The following ANAPC4 variants were observed in gnomAD, a reference collection of about 807,000 sequenced individuals.
ANAPC4 encodes anaphase promoting complex subunit 4, also known as anaphase-promoting complex subunit 4.
A neutral mutation model predicts 119.8 loss-of-function variants in ANAPC4; 63 were observed. The ratio of observed to expected loss-of-function variants is 0.53; its 90% CI spans 0.43 to 0.65. The LOEUF (loss-of-function observed/expected upper bound fraction) is 0.65, where lower values mean the gene tolerates loss of function less well. Ranked by LOEUF, ANAPC4 falls within the 30% of genes least tolerant of loss-of-function variation. The pLI, the probability that ANAPC4 is intolerant of heterozygous loss-of-function variation, is 0.00. For missense variants in ANAPC4, 716 were observed against 945.1 expected (o/e 0.76, Z 3.18); for synonymous variants, 283 against 318.6 (o/e 0.89, Z 1.19).
chr4:25,383,620 C>T (rs1227580056), intron 4 of ANAPC4, among the ~76,000 whole-genome samples: 1 of 151,578 alleles, frequency 6.6e-6, no homozygotes, highest in Non-Finnish European at 1.5e-5. Context: ...CAGACCACTG[C>T]AATAAAGTGA....
At chr4:25,392,239 C>T in intron 9 of ANAPC4, 99 bp from the exon 10 acceptor site, 1 of 828,686 alleles carries the variant, frequency 1.2e-6, no homozygotes, top group Non-Finnish European at 2.1e-6. Flanking sequence ...ACAATTCTGA[C>T]ATAGTCTTTC....
chr4:25,413,786 G>T, intron 22 of ANAPC4, 44 bp downstream of exon 22: 2 of 1,419,242 alleles, frequency 1.4e-6, no homozygotes, highest in South Asian at 2.4e-5. Flanking sequence ...GAGCAATAGT[G>T]TCTACAGTAT....
At chr4:25,408,881 A>G (rs988238579) in intron 20 of ANAPC4, among the ~76,000 whole-genome samples, 2 of 152,182 alleles carry the variant, frequency 1.3e-5, no homozygotes, top group African/African-American at 4.8e-5. Context: ...ATAACTCTCA[A>G]TTCTGTCACA....
chr4:25,415,820 A>G (rs1446806330), intron 26 of ANAPC4: 5 of 296,936 alleles, frequency 1.7e-5, no homozygotes, highest in Non-Finnish European at 3.1e-5. Context: ...CCATGGGCAG[A>G]TGGCCTGCAG....
chr4:25,394,951 C>T, intron 14 of ANAPC4, 46 bp downstream of exon 14: 1 of 1,435,234 alleles, frequency 7.0e-7, no homozygotes, highest in Non-Finnish European at 9.6e-7. Flanking sequence ...CCACACATAC[C>T]TGGCGTTGGC....
intron 10 of ANAPC4, among the ~76,000 whole-genome samples, chr4:25,392,666 C>G (rs73806544): frequency 6.7e-6 from 1 of 148,508 alleles, no homozygotes; most frequent in Admixed American, 6.9e-5. Context: ...AAATAAAATA[C>G]CATTTACATT....
intron 28 of ANAPC4, 38 bp downstream of exon 28, chr4:25,417,777 CAAG>C: frequency 1.3e-6 from 2 of 1,578,722 alleles, no homozygotes; most frequent in Non-Finnish European, 1.7e-6. Context: ...TAAGAAATTA[CAAG>C]AAGTAACGTT....
At chr4:25,389,564 A>G (rs1722227096) in intron 7 of ANAPC4, among the ~76,000 whole-genome samples, 2 of 152,202 alleles carry the variant, frequency 1.3e-5, no homozygotes. Context: ...AAGTGTTGGG[A>G]TTACAGGCAT....
At chr4:25,380,521 A>G (rs751941543) in intron 3 of ANAPC4, 42 bp downstream of exon 3, 5 of 1,459,984 alleles carry the variant, frequency 3.4e-6, no homozygotes, top group Non-Finnish European at 4.7e-6. Flanking sequence ...TTATTTTCAC[A>G]AAGAGTATTC....
At chr4:25,404,034 G>T (rs1723121764) in intron 17 of ANAPC4, among the ~76,000 whole-genome samples, 1 of 152,152 alleles carries the variant, frequency 6.6e-6, no homozygotes, top group African/African-American at 2.4e-5. Flanking sequence ...GCAAAATTTA[G>T]TGTTAATGTA....
rs764848895 is a variant in ANAPC4, at chr4:25,414,640, C to T, written c.1766C>T (p.Thr589Ile). 1 of 1,551,898 alleles carries T rather than the reference C, an allele frequency of 6.4e-7. No individual in the cohort carries two copies. The highest frequency in any genetic ancestry group is 8.8e-7 in the Non-Finnish European group (1 of 1,141,242). The change falls in exon 25 of 29, where the codon ACT becomes ATT. Residue 589 changes from threonine to isoleucine, a missense_variant. Physicochemically the swap from Thr to Ile is moderately conservative, Grantham distance 89. Coordinates refer to ENST00000315368, the MANE Select transcript of ANAPC4 (RefSeq NM_013367.3). ...TCAAATCTACATTATCTTCTTTTTA[C>T]TATTCTAGAAGATTCACTTTATAAA... is the stretch of plus-strand genomic sequence containing the variant. ...KTSNLHYLLF[T>I]ILEDSLYKMC...
Position 25,380,494 on chromosome 4 carries a change from A to C in ANAPC4, c.235+15A>C, listed in dbSNP as rs1721654849. 1 of 1,566,440 alleles carries C rather than the reference A, an allele frequency of 6.4e-7. No individual in the cohort carries two copies. On this transcript the variant is annotated intron_variant, in intron 3 of 28. Transcript: ENST00000315368. The stretch of plus-strand genomic sequence containing the variant: ...AGATGGCAAACGTAATGATAATATT[A>C]CAAAAAAAATATGTTTTTATTTTCA...
chr4:25,395,651 T>C (rs1325526933), intron 14 of ANAPC4, among the ~76,000 whole-genome samples: 1 of 152,142 alleles, frequency 6.6e-6, no homozygotes, highest in Non-Finnish European at 1.5e-5. Flanking sequence ...GGTTTCACCG[T>C]GTTGGCCAGA....
chr4:25,395,182 G>T, intron 14 of ANAPC4: 1 of 269,060 alleles, frequency 3.7e-6, no homozygotes, highest in Non-Finnish European at 6.9e-6. Context: ...TTTGAAATAA[G>T]GCATATATCT....
At chr4:25,377,593 T>G (rs1206183144) in intron 2 of ANAPC4, 37 bp downstream of exon 2, 3 of 1,558,934 alleles carry the variant, frequency 1.9e-6, no homozygotes, top group Non-Finnish European at 2.6e-6. Context: ...GTGCTGGGTC[T>G]GCTCCCGGGG....
intron 16 of ANAPC4, among the ~76,000 whole-genome samples, chr4:25,397,418 C>T (rs930956484): frequency 2.0e-5 from 3 of 152,156 alleles, no homozygotes; most frequent in African/African-American, 7.2e-5. Context: ...GTCCAGTTCT[C>T]CTGCACGGCT....
At chr4:25,391,740 A>C (rs1346951285) in intron 9 of ANAPC4, among the ~76,000 whole-genome samples, 1 of 152,250 alleles carries the variant, frequency 6.6e-6, no homozygotes, top group South Asian at 2.1e-4. Context: ...AGAACAAAAA[A>C]GATGCAAGAT....
chr4:25,382,982 A>G (rs1031895554), intron 3 of ANAPC4, among the ~76,000 whole-genome samples: 10 of 152,212 alleles, frequency 6.6e-5, no homozygotes, highest in Non-Finnish European at 1.2e-4. Flanking sequence ...CAGGGTTTCA[A>G]GTCTGGAAAC....
At chr4:25,378,055 T>C (rs968487233) in intron 2 of ANAPC4, among the ~76,000 whole-genome samples, 1 of 152,216 alleles carries the variant, frequency 6.6e-6, no homozygotes, top group African/African-American at 2.4e-5. Context: ...GCTTCTCTTG[T>C]CCACGTTTTA....
Sources: allele counts gnomAD v4.1 joint callset (sites outside exome capture counted in the v4.1 genomes callset), GRCh38; gene constraint gnomAD v4.1.1; transcripts MANE v1.5; gene names NCBI Gene and HGNC (gene_info 2026-07-23, HGNC 2026-07-21).